Variants in TLE2 observed in about 807,000 individuals in gnomAD.
TLE2 encodes TLE family member 2, transcriptional corepressor, also known as transducin-like enhancer protein 2.
TLE2 carries 74 observed loss-of-function variants against 97.2 expected under a neutral mutation model. That is an observed-to-expected ratio of 0.76 (90% CI 0.63 to 0.92). The LOEUF is 0.92. Ranked by LOEUF, TLE2 falls within the 40% of genes least tolerant of loss-of-function variation. The pLI, the probability that TLE2 is intolerant of heterozygous loss-of-function variation, is 0.00. For missense variants in TLE2, 1,038 were observed against 1,008.7 expected, an observed-to-expected ratio of 1.03 and a Z score of -0.39; for synonymous variants, 499 against 432.1, an observed-to-expected ratio of 1.15 and a Z score of -1.92.
At chr19:3,037,701 G>A (rs1027502121) in intron 1 of TLE2, among the ~76,000 whole-genome samples, 3 of 152,104 alleles carry the variant, frequency 2.0e-5, no homozygotes, top group Non-Finnish European at 2.9e-5. Flanking sequence ...AGAACTGGGC[G>A]GCTGGGGGAG....
chr19:3,010,836 C>T (rs1043787426), intron 12 of TLE2, among the ~76,000 whole-genome samples, 186 bp downstream of exon 12: 4 of 152,202 alleles, frequency 2.6e-5, no homozygotes, highest in African/African-American at 9.6e-5. Context: ...AGTTTCCCTA[C>T]CCGCCGAGCT....
chr19:3,022,960 A>G (rs2145193278), intron 5 of TLE2, among the ~76,000 whole-genome samples: 1 of 152,260 alleles, frequency 6.6e-6, no homozygotes, highest in South Asian at 2.1e-4. Context: ...ATTTGCAAAA[A>G]CAAGTGGAGG....
chr19:3,018,810 G>T (rs1021574206), intron 7 of TLE2, among the ~76,000 whole-genome samples: 8 of 151,282 alleles, frequency 5.3e-5, no homozygotes, highest in Non-Finnish European at 1.5e-5. Context: ...TAGAGATGGG[G>T]TTTTCCCATG....
At chr19:3,001,787 CTTTCT>C (rs1347060435) in intron 18 of TLE2, among the ~76,000 whole-genome samples, 1 of 121,160 alleles carries the variant, frequency 8.3e-6, no homozygotes, top group African/African-American at 3.3e-5. Context: ...AATTTCTTTT[CTTTCT>C]TTTTTTTTTT....
Position 2,997,712 on chromosome 19 carries a change from T to C in TLE2, c.*136A>G. ...GGCCCCCACATGCAGCAGGGGAAGG[T>C]GTGAAGCCGTTGGCCAGAGAGCAGA... is the stretch of plus-strand genomic sequence containing the variant. On this transcript the variant is annotated 3_prime_UTR_variant, in exon 20 of 20. Transcript: ENST00000262953. 1.6e-6 allele frequency: 1 copy of C among 638,832 alleles called. No individual in the cohort carries two copies. The highest frequency in any genetic ancestry group is 1.9e-5 in the South Asian group (1 of 53,596). The allele number at this position is 638,832 out of a possible 1,614,324, so 39.6% of individuals were successfully genotyped here. A position where few individuals can be genotyped will look rare whatever the true frequency, so the allele number is the denominator to read the frequency against.
intron 10 of TLE2, 85 bp downstream of exon 10, chr19:3,014,485 A>T: frequency 7.8e-7 from 1 of 1,284,812 alleles, no homozygotes; most frequent in Non-Finnish European, 1.0e-6. Flanking sequence ...CAGGATCCCC[A>T]CTACCTCTGG....
At chr19:3,000,611 G>C in intron 19 of TLE2, 36 bp downstream of exon 19, 1 of 1,552,232 alleles carries the variant, frequency 6.4e-7, no homozygotes. Flanking sequence ...CGGGCACATG[G>C]CCCTGCCAGA....
At chr19:3,008,731 G>T (rs2089527324) in intron 14 of TLE2, 138 bp downstream of exon 14, 1 of 568,044 alleles carries the variant, frequency 1.8e-6, no homozygotes, top group Non-Finnish European at 2.8e-6. Flanking sequence ...GATTACAGGA[G>T]TGAACCACTG....
At chr19:3,032,034 G>A (rs369963620), upstream of TLE2, among the ~76,000 whole-genome samples, 6 of 151,836 alleles carry the variant, frequency 4.0e-5, no homozygotes, top group African/African-American at 9.7e-5. The surrounding 1 kb of genome is among the most constrained non-coding windows in gnomAD (Gnocchi z 4.1). Flanking sequence ...GGGTTCAAGC[G>A]ATTCTCCTGC....
At chr19:3,016,419 CAAAAAAAAA>C (rs34669546) in intron 8 of TLE2, among the ~76,000 whole-genome samples, 2 of 91,552 alleles carry the variant, frequency 2.2e-5, no homozygotes, top group Non-Finnish European at 4.2e-5. Flanking sequence ...ACTAAAAATA[CAAAAAAAAA>C]AAAAAAAAAA....
chr19:3,006,511 T>C lies in TLE2; in HGVS notation c.1409A>G (p.Gln470Arg). 2.5e-6 allele frequency: 4 copies of C among 1,608,852 alleles called. No individual in the cohort carries two copies. Among genetic ancestry groups the C allele is most frequent in the Non-Finnish European group, 3.4e-6 (4 of 1,178,560 alleles). Reference sequence around the variant, plus strand: ...GCCCTTGCCGCCCGTGTACACATGCTGTGTGGAGCCGCTGATGGTGACCGC... The same window carrying C: ...GCCCTTGCCGCCCGTGTACACATGCCGTGTGGAGCCGCTGATGGTGACCGC... The part of the protein sequence containing the change: ...VCAVTISGST[Q>R]HVYTGGKGCV... Residue 470 changes from glutamine (Q) to arginine (R), a missense_variant, in exon 15 of 20, where the codon CAG becomes CGG. Coordinates refer to ENST00000262953, the MANE Select transcript of TLE2 (RefSeq NM_003260.5).
chr19:3,044,133 A>T (rs1249647089), intron 1 of TLE2, among the ~76,000 whole-genome samples: 3 of 151,918 alleles, frequency 2.0e-5, no homozygotes, highest in Non-Finnish European at 4.4e-5. Context: ...AGACCTTGCC[A>T]CTGCCCTCCA....
intron 4 of TLE2, chr19:3,025,589 C>A (rs775082874): frequency 1.0e-6 from 1 of 985,522 alleles, no homozygotes; most frequent in Non-Finnish European, 1.2e-6. Context: ...GATCTCAGCA[C>A]GCCACACTCA....
rs768488905 is a variant in TLE2 at position 3,000,672 on chromosome 19, G to A, written c.2099C>T (p.Thr700Met). Residue 700 changes from threonine (T) to methionine (M), a missense_variant, in exon 19 of 20, where the codon ACG becomes ATG. Transcript: ENST00000262953. ...CTGGAAAATGCTGGCCCCGTACGGC[G>A]TCCTCCAGGCGTTGAGCAGGTTGTC... ...GKDNLLNAWR[T>M]PYGASIFQSK... 1.4e-5 allele frequency: 23 copies of A among 1,593,166 alleles called. No homozygotes were observed. Among genetic ancestry groups the A allele is most frequent in the East Asian group, 4.6e-5 (2 of 43,800 alleles).
At chr19:2,998,133 C>T (rs1377034693) in intron 19 of TLE2, among the ~76,000 whole-genome samples, 178 bp from the exon 20 acceptor site, 7 of 151,766 alleles carry the variant, frequency 4.6e-5, no homozygotes, top group African/African-American at 9.7e-5. Context: ...TGCAGTGGTG[C>T]GATCTTGGCT....
intron 17 of TLE2, among the ~76,000 whole-genome samples, chr19:3,004,354 G>C (rs1172819390): frequency 6.6e-6 from 1 of 151,882 alleles, no homozygotes; most frequent in Non-Finnish European, 1.5e-5. Flanking sequence ...TAAAGAGCTT[G>C]GGAGGGCAAG....
intron 3 of TLE2, 84 bp downstream of exon 3, chr19:3,028,235 G>C (rs111973697): frequency 2.2e-5 from 31 of 1,386,118 alleles, no homozygotes; most frequent in Non-Finnish European, 2.4e-5. Context: ...GGTTCGGAGT[G>C]GGGCAGGGAC....
intron 1 of TLE2, among the ~76,000 whole-genome samples, chr19:3,043,523 C>T (rs1275430477): frequency 6.6e-6 from 1 of 151,828 alleles, no homozygotes; most frequent in Non-Finnish European, 1.5e-5. Flanking sequence ...CTGGGACCTG[C>T]ATCATGGGTC....
Position 3,027,856 on chromosome 19 carries a change from G to A in TLE2, c.204C>T (p.Tyr68=), listed in dbSNP as rs774732505. The A allele has an allele frequency of 1.3e-5, 21 of 1,611,234 alleles. No individual in the cohort carries two copies. The highest frequency in any genetic ancestry group is 1.2e-4 in the Admixed American group (7 of 59,650). Reference sequence around the variant, plus strand: ...GCTTATGCATTTCAATGTTGAGCCCGTACGACATCTCATAATACTGCAAAG... The same window carrying A: ...GCTTATGCATTTCAATGTTGAGCCCATACGACATCTCATAATACTGCAAAG... ...RHYVMYYEMS[Y]GLNIEMHKQA... Residue 68 remains tyrosine (Y), a synonymous_variant, in exon 4 of 20, where the codon TAC becomes TAT. Transcript: ENST00000262953.
Sources: allele counts gnomAD v4.1 joint callset (sites outside exome capture counted in the v4.1 genomes callset), GRCh38; gene constraint gnomAD v4.1.1; non-coding constraint Gnocchi (gnomAD v3.1); transcripts MANE v1.5; gene names NCBI Gene and HGNC (gene_info 2026-07-23, HGNC 2026-07-21).